OTOA: variants seen among roughly 807,000 people sequenced by gnomAD.
The protein encoded by OTOA is otoancorin, also known as cancer/testis antigen 108.
OTOA carries 70 observed loss-of-function variants against 110.8 expected under a neutral mutation model. The observed-to-expected ratio is 0.63, with a 90% confidence interval of 0.52 to 0.77. The LOEUF (loss-of-function observed/expected upper bound fraction) is 0.77. Among genes scored for constraint, OTOA ranks in the 30% least tolerant of loss-of-function variants. The probability of loss-of-function intolerance (pLI) is 0.00; values close to 1 mark genes in which losing one functional copy is unlikely to be tolerated. For synonymous variants in OTOA, 373 were observed against 431.5 expected (o/e 0.86, Z 1.68); for missense variants, 917 against 1,075.8 (o/e 0.85, Z 2.06).
Position 21,678,541 on chromosome 16 carries a change from C to T in OTOA, c.27C>T (p.Ser9=). 4 of 1,613,472 alleles carry T rather than the reference C, an allele frequency of 2.5e-6. No homozygotes were observed. The highest frequency in any genetic ancestry group is 3.4e-6 in the Non-Finnish European group (4 of 1,179,888). MSQEPTTY[S]LFLFLFLSHG... ...TGTCTCAGGAACCTACGACATACTC[C>T]CTTTTCCTATTCCTTTTTCTGAGCC... Residue 9 remains serine (S), a synonymous_variant, in exon 2 of 29, where the codon TCC becomes TCT. Transcript: ENST00000646100.
chr16:21,707,642 T>TTTCTTTCTTTCTTTCTTTCTTTCC (rs1567379529), intron 12 of OTOA, among the ~76,000 whole-genome samples: 1 of 117,146 alleles, frequency 8.5e-6, no homozygotes, highest in East Asian at 2.1e-4. Context: ...TCTTTCTTTC[T>TTTCTTTCTTTCTTTCTTTCTTTCC]TTCTTTCTTT....
chr16:21,682,600 C>A (rs772431775), intron 6 of OTOA, among the ~76,000 whole-genome samples: 1 of 152,192 alleles, frequency 6.6e-6, no homozygotes, highest in African/African-American at 2.4e-5. Flanking sequence ...GTGGTGACTG[C>A]GGTGAACTGC....
intron 28 of OTOA, among the ~76,000 whole-genome samples, chr16:21,758,910 G>T (rs1241630080): frequency 6.6e-6 from 1 of 151,814 alleles, no homozygotes; most frequent in Admixed American, 6.6e-5. Flanking sequence ...GCTAAGGCAG[G>T]AGAGTTGCTT....
Position 21,685,257 on chromosome 16 carries a change from C to A in OTOA, c.295C>A (p.Arg99Ser). ...AGCCGTGGAAAACCACCTGGAGCAG[C>A]GTCTGCACCAGCCCCAGAAGCTGCT... The part of the protein sequence containing the change: ...QAAVENHLEQ[R>S]LHQPQKLLED... The change falls in exon 7 of 29, where the codon CGT becomes AGT. Residue 99 changes from arginine to serine, a missense_variant. By Grantham distance (110) the Arg-to-Ser change is moderately radical (BLOSUM62 -1). Around this residue, in one of 6 missense-constraint regions of OTOA, gnomAD observed 840 missense variants for 910.2 expected, o/e 0.92. Coordinates refer to ENST00000646100, the MANE Select transcript of OTOA (RefSeq NM_144672.4). The A allele has an allele frequency of 6.2e-7, 1 of 1,612,532 alleles. No homozygotes were observed. Among genetic ancestry groups the A allele is most frequent in the Non-Finnish European group, 8.5e-7 (1 of 1,178,950 alleles).
chr16:21,715,827 T>A (rs2053985870), intron 14 of OTOA, among the ~76,000 whole-genome samples: 1 of 149,570 alleles, frequency 6.7e-6, no homozygotes, highest in African/African-American at 2.5e-5. Flanking sequence ...CTAAAATTTG[T>A]TTTTCAAATC....
chr16:21,715,638 G>T (rs538043577), intron 14 of OTOA, among the ~76,000 whole-genome samples: 1 of 151,468 alleles, frequency 6.6e-6, no homozygotes, highest in African/African-American at 2.4e-5. Flanking sequence ...GCTATGTTGC[G>T]CAGGCTAGTC....
At chr16:21,719,067 G>T in intron 15 of OTOA, 66 bp from the exon 16 acceptor site, 1 of 1,473,034 alleles carries the variant, frequency 6.8e-7, no homozygotes, top group South Asian at 1.1e-5. Context: ...CTTCCTGATA[G>T]GGCCTCACAG....
intron 4 of OTOA, 44 bp downstream of exon 4, chr16:21,679,110 C>A (rs1234418932): frequency 6.2e-7 from 1 of 1,613,222 alleles, no homozygotes; most frequent in South Asian, 1.1e-5. Context: ...CTAAGAATTT[C>A]AAACAGAATG....
chr16:21,728,474 C>T, intron 20 of OTOA, 43 bp downstream of exon 20: 1 of 1,595,494 alleles, frequency 6.3e-7, no homozygotes, highest in Non-Finnish European at 8.5e-7. Context: ...GTGGTATGCT[C>T]TGTGGAGGGA....
intron 12 of OTOA, among the ~76,000 whole-genome samples, chr16:21,707,650 T>TTTCC (rs1898223743): frequency 8.5e-6 from 1 of 117,908 alleles, no homozygotes; most frequent in Non-Finnish European, 2.0e-5. Flanking sequence ...TCTTTCTTTC[T>TTTCC]TTCTTTCTCT....
At chr16:21,750,254 A>G (rs1899790803) in intron 24 of OTOA, among the ~76,000 whole-genome samples, 1 of 144,050 alleles carries the variant, frequency 6.9e-6, no homozygotes, top group Non-Finnish European at 1.5e-5. Context: ...CTCTACTAAA[A>G]ATACAAAAAT....
At chr16:21,670,232 G>T (rs956257431) in intron 1 of OTOA, among the ~76,000 whole-genome samples, 5 of 151,714 alleles carry the variant, frequency 3.3e-5, no homozygotes, top group African/African-American at 1.2e-4. Context: ...GCTCACAATG[G>T]CCTGAAAGAC....
At chr16:21,678,844 C>T in intron 2 of OTOA, 71 bp from the exon 3 acceptor site, 2 of 1,566,726 alleles carry the variant, frequency 1.3e-6, no homozygotes, top group Non-Finnish European at 1.7e-6. Flanking sequence ...GGCTTTTCCT[C>T]TAACCCATAT....
chr16:21,671,580 C>T (rs964907005), intron 1 of OTOA, among the ~76,000 whole-genome samples: 2 of 126,348 alleles, frequency 1.6e-5, no homozygotes, highest in Non-Finnish European at 3.3e-5. Flanking sequence ...GAGTAAGACT[C>T]CATATCAAAA....
chr16:21,735,000 G>A (rs1269413224), intron 21 of OTOA, among the ~76,000 whole-genome samples: 1 of 151,936 alleles, frequency 6.6e-6, no homozygotes, highest in Admixed American at 6.6e-5. Flanking sequence ...AATTAGCCTG[G>A]CTTGGTGCTG....
At chr16:21,680,184 T>TATCCATCCATCCATCCATCCATCC (rs60446298) in intron 5 of OTOA, among the ~76,000 whole-genome samples, 3 of 150,060 alleles carry the variant, frequency 2.0e-5, no homozygotes, top group African/African-American at 4.9e-5. Context: ...TTTATTAATT[T>TATCCATCCATCCATCCATCCATCC]ATCCATCCAT....
intron 9 of OTOA, among the ~76,000 whole-genome samples, chr16:21,693,956 C>T (rs542077156): frequency 2.0e-5 from 3 of 152,282 alleles, no homozygotes; most frequent in South Asian, 2.1e-4. Context: ...ATATTTTAGG[C>T]TTTGTAAGCC....
At chr16:21,702,547 A>G (rs1178259810) in intron 11 of OTOA, among the ~76,000 whole-genome samples, 1 of 152,160 alleles carries the variant, frequency 6.6e-6, no homozygotes, top group Non-Finnish European at 1.5e-5. Context: ...CTATTTTTAC[A>G]TCACCTCTCT....
chr16:21,667,601 A>T (rs201220986), intron 1 of OTOA, among the ~76,000 whole-genome samples: 1 of 139,460 alleles, frequency 7.2e-6, no homozygotes, highest in Non-Finnish European at 1.5e-5. Flanking sequence ...ACTCTGTCTT[A>T]AAAAAAAAAA....
Sources: gnomAD v4.1 joint callset for allele counts (sites outside exome capture counted in the v4.1 genomes callset) on GRCh38, gnomAD v4.1.1 for gene constraint, gnomAD v4.1.1 regional missense constraint, MANE v1.5 for transcripts, NCBI Gene and HGNC (gene_info 2026-07-23, HGNC 2026-07-21) for gene names.